Variants in VPS33A observed in about 807,000 individuals in gnomAD.
VPS33A encodes the protein VPS33A core subunit of CORVET and HOPS complexes.
In VPS33A, 32 loss-of-function variants were observed where a neutral mutation model predicts 71.8. The ratio of observed to expected loss-of-function variants is 0.45; its 90% confidence interval spans 0.34 to 0.60. The LOEUF (loss-of-function observed/expected upper bound fraction) is 0.60, where lower values mean the gene tolerates loss of function less well. VPS33A is among the 20% of genes least tolerant of loss of function. The probability of loss-of-function intolerance (pLI) is 0.02; values close to 1 mark genes in which losing one functional copy is unlikely to be tolerated. For missense variants in VPS33A, 625 were observed against 748.5 expected (o/e 0.84, Z 1.92); for synonymous variants, 311 against 292.7 (o/e 1.06, Z -0.64).
chr12:122,263,482 A>T, intron 3 of VPS33A, 90 bp downstream of exon 3: 1 of 1,437,144 alleles, frequency 7.0e-7, no homozygotes. Flanking sequence ...TGCACTGGCA[A>T]GAGTGAGGGT....
chr12:122,255,428 G>A (rs1171545764), intron 4 of VPS33A, among the ~76,000 whole-genome samples: 2 of 152,128 alleles, frequency 1.3e-5, no homozygotes, highest in African/African-American at 4.8e-5. Context: ...CAAGAGGGTT[G>A]GGCGCAATGG....
chr12:122,244,254 T>C (rs1005951884), intron 7 of VPS33A, among the ~76,000 whole-genome samples: 1 of 152,206 alleles, frequency 6.6e-6, no homozygotes, highest in Non-Finnish European at 1.5e-5. Context: ...GTAGTACAGA[T>C]GGCTTCCTCT....
At position 122,266,445 on chromosome 12, in the gene VPS33A, A is replaced by C. The variant is rs2136157877; in HGVS notation, c.-37T>G. 6.3e-7 allele frequency: 1 copy of C among 1,591,234 alleles called. No homozygotes were observed. Among genetic ancestry groups the C allele is most frequent in the Non-Finnish European group, 8.6e-7 (1 of 1,163,436 alleles). On this transcript the variant is annotated 5_prime_UTR_variant, in exon 1 of 13. Coordinates refer to ENST00000267199, the MANE Select transcript of VPS33A (RefSeq NM_022916.6). ...ACCCCCTGCCCCACAACGCCAACCG[A>C]GTCCGCCGGTTCCTACGGGAGGACC...
chr12:122,239,177 A>G (rs1954675479), intron 9 of VPS33A, among the ~76,000 whole-genome samples: 1 of 152,248 alleles, frequency 6.6e-6, no homozygotes. Flanking sequence ...CAACTAATCT[A>G]GCAAAAAGTA....
chr12:122,234,135 T>G (rs1954599828), intron 11 of VPS33A, among the ~76,000 whole-genome samples: 2 of 152,284 alleles, frequency 1.3e-5, no homozygotes, highest in Admixed American at 1.3e-4. Context: ...GAATATGCAC[T>G]CTTTATGTAA....
In VPS33A at chr12:122,232,869, C is replaced by A. The variant is rs143321630; in HGVS notation, c.1540G>T (p.Val514Phe). ...SRPGWRSIEEVLRILPGPHFE... is the reference protein window; with the variant it reads ...SRPGWRSIEEFLRILPGPHFE... ...TGGGGCCCTGGGAGGATGCGGAGGACCTCCTCGATGCTCCGCCAGCCAGGC... is the reference window on the plus strand; with the variant it reads ...TGGGGCCCTGGGAGGATGCGGAGGAACTCCTCGATGCTCCGCCAGCCAGGC... Residue 514 changes from valine to phenylalanine, a missense_variant, in exon 12 of 13, where the codon GTC becomes TTC. By Grantham distance (50) the Val-to-Phe change is conservative (BLOSUM62 -1). Coordinates refer to ENST00000267199, the MANE Select transcript of VPS33A (RefSeq NM_022916.6). 1 of 1,613,972 alleles carries A rather than the reference C, an allele frequency of 6.2e-7. No individual in the cohort carries two copies. Among genetic ancestry groups the A allele is most frequent in the African/African-American group, 1.3e-5 (1 of 74,934 alleles).
chr12:122,263,792 C>G, intron 2 of VPS33A, 93 bp from the exon 3 acceptor site: 1 of 1,383,538 alleles, frequency 7.2e-7, no homozygotes, highest in South Asian at 1.6e-5. Flanking sequence ...CAATCAAGTG[C>G]ACATTAATAT....
chr12:122,254,741 G>T (rs1015363216), intron 4 of VPS33A, among the ~76,000 whole-genome samples: 9 of 152,064 alleles, frequency 5.9e-5, no homozygotes, highest in Admixed American at 1.3e-4. Flanking sequence ...AAAGCCAAAG[G>T]CTTGAAATTG....
intron 3 of VPS33A, among the ~76,000 whole-genome samples, chr12:122,261,864 T>C (rs1955000030): frequency 6.6e-6 from 1 of 152,088 alleles, no homozygotes; most frequent in African/African-American, 2.4e-5. Context: ...TAGCCGGGCA[T>C]GGTGGCAGGC....
chr12:122,250,760 G>A (rs374547699), intron 5 of VPS33A, among the ~76,000 whole-genome samples: 3 of 152,176 alleles, frequency 2.0e-5, no homozygotes, highest in Non-Finnish European at 2.9e-5. Flanking sequence ...GGGAACATGC[G>A]CAGTGGTTAC....
At position 122,266,288 on chromosome 12, in the gene VPS33A, G is replaced by T; in HGVS notation, c.102+19C>A. On this transcript the variant is annotated intron_variant, in intron 1 of 12. Transcript: ENST00000267199. ...GACCAGGGGAGGCGAGGGCGGTGTC[G>T]CTGCCTCCCGCCCCTCACCTTGCTT... is the stretch of plus-strand genomic sequence containing the variant. 6.2e-7 allele frequency: 1 copy of T among 1,606,086 alleles called. No individual in the cohort carries two copies.
Position 122,232,318 on chromosome 12 carries a change from T to C in VPS33A, c.1719A>G (p.Glu573=), listed in dbSNP as rs752861694. The part of the protein sequence containing the change: ...FLSQLEDGGT[E]YVIATTKLMN... ...TTAGTTTAGTGGTGGCAATGACATA[T>C]TCTGTACCTCCATCTTCCAACTGGG... The change falls in exon 13 of 13, where the codon GAA becomes GAG. Residue 573 remains glutamate, a synonymous_variant. Coordinates refer to ENST00000267199, the MANE Select transcript of VPS33A (RefSeq NM_022916.6). The C allele has an allele frequency of 1.4e-5, 22 of 1,614,084 alleles. No individual in the cohort carries two copies. Among genetic ancestry groups the C allele is most frequent in the Non-Finnish European group, 1.8e-5 (21 of 1,180,054 alleles).
chr12:122,249,866 C>T lies in VPS33A; in HGVS notation c.775+5G>A. 6.2e-7 allele frequency: 1 copy of T among 1,610,828 alleles called. No individual in the cohort carries two copies. Among genetic ancestry groups the T allele is most frequent in the Non-Finnish European group, 8.5e-7 (1 of 1,178,790 alleles). On this transcript the variant is annotated splice_donor_5th_base_variant and intron_variant, in intron 6 of 12. Coordinates refer to ENST00000267199, the MANE Select transcript of VPS33A (RefSeq NM_022916.6). ...TATTAGTGAAAACAGATGTCATGTA[C>T]TTACTGTTCTGAATGCCATAAATTT...
chr12:122,238,815 G>C, intron 9 of VPS33A, 91 bp from the exon 10 acceptor site: 1 of 1,138,574 alleles, frequency 8.8e-7, no homozygotes, highest in East Asian at 2.6e-5. Flanking sequence ...ACAATACATG[G>C]TTTAGGAACT....
intron 5 of VPS33A, among the ~76,000 whole-genome samples, 185 bp downstream of exon 5, chr12:122,250,798 C>A (rs985777037): frequency 1.3e-5 from 2 of 152,178 alleles, no homozygotes; most frequent in African/African-American, 4.8e-5. Context: ...TGCACGCCGA[C>A]AAAAGCACCA....
At chr12:122,259,696 C>T (rs2136149443) in intron 4 of VPS33A, among the ~76,000 whole-genome samples, 2 of 152,016 alleles carry the variant, frequency 1.3e-5, no homozygotes, top group Middle Eastern at 6.8e-3. Context: ...GAATGAAGGC[C>T]TCGCGCAGGC....
chr12:122,259,187 G>GTATA (rs1555250059), intron 4 of VPS33A, among the ~76,000 whole-genome samples: 3 of 144,646 alleles, frequency 2.1e-5, no homozygotes, highest in African/African-American at 5.1e-5. Flanking sequence ...GTATGTATGT[G>GTATA]TGTATGTATG....
intron 9 of VPS33A, 92 bp downstream of exon 9, chr12:122,239,775 AAAAAGGCAAGG>A: frequency 1.6e-6 from 1 of 622,980 alleles, no homozygotes; most frequent in Non-Finnish European, 2.6e-6. Flanking sequence ...AAAAAAAAAA[AAAAAGGCAAGG>A]CATGGGAATC....
At chr12:122,241,594 C>G (rs1221040323) in intron 8 of VPS33A, among the ~76,000 whole-genome samples, 2 of 151,206 alleles carry the variant, frequency 1.3e-5, no homozygotes, top group African/African-American at 4.9e-5. Flanking sequence ...CATGAGCCAC[C>G]TCGCCCAGTC....
Sources: allele counts gnomAD v4.1 joint callset (sites outside exome capture counted in the v4.1 genomes callset), GRCh38; gene constraint gnomAD v4.1.1; transcripts MANE v1.5; gene names NCBI Gene and HGNC (gene_info 2026-07-23, HGNC 2026-07-21).